Variants in FAM117A observed in about 807,000 individuals in gnomAD.
The protein encoded by FAM117A is family with sequence similarity 117 member A, also known as protein FAM117A.
Under a neutral mutation model 44.1 loss-of-function variants are expected in FAM117A, and 21 were observed. The ratio of observed to expected loss-of-function variants is 0.48; its 90% CI spans 0.34 to 0.69. FAM117A has a LOEUF of 0.69. Ranked by LOEUF, FAM117A falls within the 30% of genes least tolerant of loss-of-function variation. The pLI is 0.01. For synonymous variants in FAM117A, 220 were observed against 238.3 expected (o/e 0.92, Z 0.71); for missense variants, 498 against 589.9 (o/e 0.84, Z 1.61).
At chr17:49,765,015 T>C (rs953582244), upstream of FAM117A, among the ~76,000 whole-genome samples, 2 of 152,182 alleles carry the variant, frequency 1.3e-5, no homozygotes, top group African/African-American at 4.8e-5. Context: ...ATCCTGGTCT[T>C]CCAAGATCAA....
chr17:49,712,623 A>G (rs918466093), intron 7 of FAM117A, among the ~76,000 whole-genome samples: 7 of 151,840 alleles, frequency 4.6e-5, no homozygotes, highest in African/African-American at 1.7e-4. Flanking sequence ...CAATCCTCCC[A>G]CCTCATCCTC....
At chr17:49,784,496 ACT>A (rs1055005342) in intron 1 of FAM117A, among the ~76,000 whole-genome samples, 1 of 152,000 alleles carries the variant, frequency 6.6e-6, no homozygotes, top group African/African-American at 2.4e-5. Context: ...GGTGCTGAAC[ACT>A]CTGCATGAAC....
At chr17:49,784,275 C>A (rs2073798735) in intron 1 of FAM117A, among the ~76,000 whole-genome samples, 1 of 152,322 alleles carries the variant, frequency 6.6e-6, no homozygotes, top group Non-Finnish European at 1.5e-5. Context: ...CCCCCACTCC[C>A]AGTGCCTATT....
chr17:49,754,451 C>A (rs1461814984), intron 1 of FAM117A, among the ~76,000 whole-genome samples: 1 of 151,908 alleles, frequency 6.6e-6, no homozygotes, highest in Non-Finnish European at 1.5e-5. Flanking sequence ...ACTACAGGAG[C>A]CCACCACCAC....
intron 7 of FAM117A, among the ~76,000 whole-genome samples, chr17:49,711,847 G>C (rs562660819): frequency 6.6e-6 from 1 of 152,148 alleles, no homozygotes; most frequent in Non-Finnish European, 1.5e-5. Context: ...CTTTTCATTC[G>C]AAAGATTTCA....
At chr17:49,765,771 GATTA>G (rs564945161), upstream of FAM117A, 93 of 152,224 alleles carry the variant, frequency 6.1e-4, 1 homozygote, top group Non-Finnish European at 9.9e-4. Flanking sequence ...GTCTTTATAA[GATTA>G]ATTAACTCAG....
At chr17:49,778,495 C>T (rs1288777001) in intron 1 of FAM117A, among the ~76,000 whole-genome samples, 4 of 152,212 alleles carry the variant, frequency 2.6e-5, no homozygotes, top group East Asian at 1.9e-4. Flanking sequence ...AATCTTTTAA[C>T]ATTTTGCCTG....
rs2073477974 is a variant in FAM117A at position 49,711,453 on chromosome 17, C to A, written c.1164G>T (p.Lys388Asn). ...TGAAGCCCATGCCGGGGAAGAGGGG[C>A]TTCATCAGGTTGACGGGGCAGAAGG... Reference protein sequence around the residue: ...GSAFCPVNLMKPLFPGMGFIF... With the variant: ...GSAFCPVNLMNPLFPGMGFIF... Residue 388 changes from lysine (K) to asparagine (N), a missense_variant, in exon 8 of 8, where the codon AAG (lysine) becomes AAT (asparagine). Physicochemically the swap from Lys to Asn is moderately conservative, Grantham distance 94. Around this residue, in one of 3 missense-constraint regions of FAM117A, gnomAD observed 224 missense variants for 296.5 expected, o/e 0.76. Coordinates refer to ENST00000240364, the MANE Select transcript of FAM117A (RefSeq NM_030802.4). The A allele has an allele frequency of 2.5e-6, 4 of 1,613,974 alleles. No individual in the cohort carries two copies. Among genetic ancestry groups the A allele is most frequent in the Non-Finnish European group, 3.4e-6 (4 of 1,179,988 alleles).
intron 1 of FAM117A, among the ~76,000 whole-genome samples, chr17:49,736,533 C>T (rs1482081053): frequency 6.6e-6 from 1 of 152,240 alleles, no homozygotes; most frequent in African/African-American, 2.4e-5. Context: ...ATGTGAGCCA[C>T]TGCACCCGGC....
intron 1 of FAM117A, among the ~76,000 whole-genome samples, chr17:49,787,469 ACTTTAAAT>A (rs1446567437): frequency 2.0e-5 from 3 of 152,206 alleles, no homozygotes; most frequent in Non-Finnish European, 4.4e-5. Flanking sequence ...AAGGTCTGGA[ACTTTAAAT>A]CTTTAGAGTT....
At chr17:49,768,781 C>T (rs538706405), upstream of FAM117A, among the ~76,000 whole-genome samples, 100 of 152,308 alleles carry the variant, frequency 6.6e-4, no homozygotes, top group African/African-American at 2.1e-3. Context: ...CCTCTCCCTG[C>T]GTCCCTTCCC....
chr17:49,722,614 G>T lies in FAM117A; in HGVS notation c.367-20C>A. On this transcript the variant is annotated intron_variant, in intron 2 of 7. Coordinates refer to ENST00000240364, the MANE Select transcript of FAM117A (RefSeq NM_030802.4). ...GGGCGTCTGCAGGGAGAGAAACACA[G>T]TGAGACACAGCAGCTTCTTTGGCAG... is the stretch of plus-strand genomic sequence containing the variant. The T allele has an allele frequency of 6.2e-7, 1 of 1,604,178 alleles. No individual in the cohort carries two copies. The highest frequency in any genetic ancestry group is 8.5e-7 in the Non-Finnish European group (1 of 1,172,332).
At chr17:49,719,615 A>T in intron 5 of FAM117A, 145 bp downstream of exon 5, 1 of 1,015,358 alleles carries the variant, frequency 9.8e-7, no homozygotes, top group South Asian at 1.9e-5. Flanking sequence ...CTCCATTTGC[A>T]TTCCTTTTGC....
At chr17:49,722,649 A>T in intron 2 of FAM117A, 55 bp from the exon 3 acceptor site, 1 of 1,437,232 alleles carries the variant, frequency 7.0e-7, no homozygotes, top group Non-Finnish European at 9.7e-7. Context: ...GGCACTGGGG[A>T]ACAGGCACAC....
intron 1 of FAM117A, among the ~76,000 whole-genome samples, chr17:49,743,067 C>T (rs541971210): frequency 6.6e-6 from 1 of 152,270 alleles, no homozygotes; most frequent in African/African-American, 2.4e-5. Context: ...AAACTGAGAC[C>T]TTTTATTACC....
chr17:49,733,354 T>C (rs2143736018), intron 1 of FAM117A, among the ~76,000 whole-genome samples: 1 of 152,330 alleles, frequency 6.6e-6, no homozygotes, highest in Non-Finnish European at 1.5e-5. Flanking sequence ...CTGACTTCTG[T>C]CTAAATGGGA....
At chr17:49,771,542 G>T (rs2073761083) in intron 1 of FAM117A, among the ~76,000 whole-genome samples, 1 of 152,064 alleles carries the variant, frequency 6.6e-6, no homozygotes, top group Non-Finnish European at 1.5e-5. Context: ...AGGAGAGCAG[G>T]TATGTCTTGG....
chr17:49,762,205 T>C (rs1033026224), intron 1 of FAM117A, among the ~76,000 whole-genome samples: 2 of 152,220 alleles, frequency 1.3e-5, no homozygotes, highest in Admixed American at 1.3e-4. Flanking sequence ...GCTAATCAGT[T>C]TCCAGCTACT....
chr17:49,761,928 T>C (rs1041439891), intron 1 of FAM117A, among the ~76,000 whole-genome samples: 4 of 152,192 alleles, frequency 2.6e-5, no homozygotes, highest in Non-Finnish European at 5.9e-5. Context: ...TCTAAGATAT[T>C]AATAGGTGGA....
Sources: gnomAD v4.1 joint callset for allele counts (sites outside exome capture counted in the v4.1 genomes callset) on GRCh38, gnomAD v4.1.1 for gene constraint, gnomAD v4.1.1 regional missense constraint, MANE v1.5 for transcripts, NCBI Gene and HGNC (gene_info 2026-07-23, HGNC 2026-07-21) for gene names.